The following AKAP13 variants were observed in gnomAD, a reference collection of about 807,000 sequenced individuals.
AKAP13 encodes the protein A-kinase anchoring protein 13.
AKAP13 carries 80 observed loss-of-function variants against 264.5 expected under a neutral mutation model. That is an observed-to-expected ratio of 0.30 (90% CI 0.25 to 0.36). AKAP13 has a LOEUF of 0.36. Among genes scored for constraint, AKAP13 ranks in the 10% least tolerant of loss-of-function variants. The pLI is 1.00. For missense variants in AKAP13, 3,712 were observed against 3,435.2 expected, an observed-to-expected ratio of 1.08 and a Z score of -2.01; for synonymous variants, 1,380 against 1,250.2, an observed-to-expected ratio of 1.10 and a Z score of -2.19.
chr15:85,741,557 TAAGC>T, intron 35 of AKAP13, 62 bp downstream of exon 35: 4 of 1,494,612 alleles, frequency 2.7e-6, no homozygotes, highest in Non-Finnish European at 3.6e-6. Context: ...CCCTGTGTAT[TAAGC>T]AAGGTAAGAA....
intron 8 of AKAP13, chr15:85,619,332 G>A: frequency 4.1e-6 from 4 of 980,102 alleles, no homozygotes; most frequent in Non-Finnish European, 4.8e-6. Flanking sequence ...AAAGGGAGGA[G>A]GAGGCTGGCT....
intron 1 of AKAP13, among the ~76,000 whole-genome samples, chr15:85,443,554 C>T (rs759840950): frequency 2.2e-4 from 34 of 151,930 alleles, no homozygotes; most frequent in Non-Finnish European, 3.7e-4. Context: ...AAATTTCTGG[C>T]GATATGGGCA....
At position 85,579,787 on chromosome 15, in the gene AKAP13, T is replaced by C. The variant is rs753121027; in HGVS notation, c.1719T>C (p.Ser573=). Residue 573 remains serine (S), a synonymous_variant, in exon 7 of 37, where the codon AGT becomes AGC. Transcript: ENST00000394518. ...CAGCAGAAACGGAAACTTCACGAAG[T>C]CGTGAGGAGAGTGCTGATGCTCCAG... ...EKTAETETSR[S]REESADAPVD... 2 of 1,614,146 alleles carry C rather than the reference T, an allele frequency of 1.2e-6. No homozygotes were observed. The highest frequency in any genetic ancestry group is 2.2e-5 in the East Asian group (1 of 44,882).
At chr15:85,665,791 T>A (rs2083560534) in intron 13 of AKAP13, among the ~76,000 whole-genome samples, 1 of 152,170 alleles carries the variant, frequency 6.6e-6, no homozygotes, top group South Asian at 2.1e-4. Flanking sequence ...TGGTTTTCTG[T>A]CCTTAGCGAT....
Position 85,724,867 on chromosome 15 carries a change from TCTC to T in AKAP13, c.6746-1540_6746-1538del, listed in dbSNP as rs754025763. ...GGCAGAAAAGATTCAGAGAAAGAAATCTCCTTTCCCACCACCAGCTGGCTGTGT... is the reference window on the plus strand; with the variant it reads ...GGCAGAAAAGATTCAGAGAAAGAAATCTTTCCCACCACCAGCTGGCTGTGT... On this transcript the variant is annotated intron_variant, in intron 26 of 36. Coordinates refer to ENST00000394518, the MANE Select transcript of AKAP13 (RefSeq NM_007200.5). The surrounding 1 kb of genome is among the most constrained non-coding windows in gnomAD (Gnocchi z 4.2). 1.3e-5 allele frequency among the ~76,000 whole-genome samples: 2 copies of T among 151,776 alleles called. No homozygotes were observed. The highest frequency in any genetic ancestry group is 2.9e-5 in the Non-Finnish European group (2 of 67,956).
At chr15:85,452,561 C>G (rs1393978620) in intron 1 of AKAP13, among the ~76,000 whole-genome samples, 2 of 152,080 alleles carry the variant, frequency 1.3e-5, no homozygotes, top group African/African-American at 4.8e-5. Context: ...TGCATGTTTT[C>G]ACTGAGTTGA....
At position 85,433,667 on chromosome 15, in the gene AKAP13, A is replaced by G. The variant is rs16978112; in HGVS notation, c.-11-52043A>G. On this transcript the variant is annotated intron_variant, in intron 1 of 36. Coordinates refer to ENST00000394518, the MANE Select transcript of AKAP13 (RefSeq NM_007200.5). ...AGATTAGTATGGTTTCATTAAAACC[A>G]GGTTGTCAGCCAGATGTGGTGGCTC... 1.5e-4 allele frequency among the ~76,000 whole-genome samples: 23 copies of G among 152,250 alleles called. No homozygotes were observed. The East Asian group carries it at 3.9e-3, about 26-fold the overall frequency.
At chr15:85,703,326 G>T (rs973777175) in intron 17 of AKAP13, among the ~76,000 whole-genome samples, 2 of 152,192 alleles carry the variant, frequency 1.3e-5, no homozygotes, top group Non-Finnish European at 2.9e-5. Context: ...TCTTTTTTAA[G>T]CAGAATACTT....
intron 8 of AKAP13, among the ~76,000 whole-genome samples, chr15:85,612,421 G>T (rs2080682400): frequency 6.6e-6 from 1 of 152,096 alleles, no homozygotes; most frequent in Non-Finnish European, 1.5e-5. Flanking sequence ...GGTTTTGTCT[G>T]AATCACATAC....
chr15:85,635,205 C>T (rs906704812), intron 8 of AKAP13: 1 of 397,424 alleles, frequency 2.5e-6, no homozygotes, highest in African/African-American at 2.1e-5. Context: ...GTTCTAGTTG[C>T]TCCACATCTT....
At chr15:85,655,897 G>T (rs2083069780) in intron 11 of AKAP13, 110 bp downstream of exon 11, 1 of 1,452,538 alleles carries the variant, frequency 6.9e-7, no homozygotes, top group Non-Finnish European at 9.1e-7. Flanking sequence ...TAGTATAGAA[G>T]AAAGAATATA....
intron 2 of AKAP13, among the ~76,000 whole-genome samples, chr15:85,510,379 A>G (rs1365564300): frequency 6.6e-6 from 1 of 152,200 alleles, no homozygotes; most frequent in Non-Finnish European, 1.5e-5. Flanking sequence ...TTAATATAGC[A>G]TTTGTTATAT....
intron 1 of AKAP13, among the ~76,000 whole-genome samples, chr15:85,452,819 T>C (rs1273803339): frequency 1.3e-5 from 2 of 152,214 alleles, no homozygotes; most frequent in Admixed American, 1.3e-4. Flanking sequence ...GAGTGCTGGC[T>C]GTAGTTCATG....
chr15:85,418,822 G>T lies in AKAP13; in HGVS notation c.-12+38024G>T, dbSNP rs187336394. ...CTAGAGATAAGGAATCAATCGCATA[G>T]TTATCATTAATAATAAAGACCACAA... On this transcript the variant is annotated intron_variant, in intron 1 of 36. Coordinates refer to ENST00000394518, the MANE Select transcript of AKAP13 (RefSeq NM_007200.5). Among the ~76,000 whole-genome samples the T allele has an allele frequency of 6.6e-5, 10 of 152,290 alleles. 1 individual carries two copies. Among genetic ancestry groups the T allele is most frequent in the African/African-American group, 2.4e-4 (10 of 41,558 alleles).
At chr15:85,419,924 A>T (rs1295467077) in intron 1 of AKAP13, among the ~76,000 whole-genome samples, 1 of 146,340 alleles carries the variant, frequency 6.8e-6, no homozygotes, top group African/African-American at 2.5e-5. Flanking sequence ...AAGTGTCTGA[A>T]TCTGACTCTT....
intron 4 of AKAP13, among the ~76,000 whole-genome samples, chr15:85,543,250 T>C (rs2077629183): frequency 6.6e-6 from 1 of 152,162 alleles, no homozygotes. Context: ...AAGACCCATG[T>C]GTACTGAACA....
intron 1 of AKAP13, among the ~76,000 whole-genome samples, chr15:85,473,411 T>C (rs1249367993): frequency 1.3e-5 from 2 of 152,180 alleles, no homozygotes; most frequent in Admixed American, 6.5e-5. Flanking sequence ...GAGTGCATAC[T>C]CTGGACCGAG....
At chr15:85,414,028 A>G (rs897258307) in intron 1 of AKAP13, among the ~76,000 whole-genome samples, 2 of 152,178 alleles carry the variant, frequency 1.3e-5, no homozygotes, top group Admixed American at 1.3e-4. Context: ...TGGAAATGAG[A>G]GTACCTGTTA....
At chr15:85,408,396 G>A (rs763037341) in intron 1 of AKAP13, among the ~76,000 whole-genome samples, 8 of 151,674 alleles carry the variant, frequency 5.3e-5, no homozygotes, top group South Asian at 2.1e-4. Context: ...TCACATTGTC[G>A]TGCAGTCATC....
Sources: allele counts gnomAD v4.1 joint callset (sites outside exome capture counted in the v4.1 genomes callset), GRCh38; gene constraint gnomAD v4.1.1; non-coding constraint Gnocchi (gnomAD v3.1); transcripts MANE v1.5; gene names NCBI Gene and HGNC (gene_info 2026-07-23, HGNC 2026-07-21).